Variants in ADAMTS17 observed in about 807,000 individuals in gnomAD.
ADAMTS17 encodes the protein ADAM metallopeptidase with thrombospondin type 1 motif 17, also known as A disintegrin and metalloproteinase with thrombospondin motifs 17.
ADAMTS17 carries 113 observed loss-of-function variants against 141.5 expected under a neutral mutation model. The observed-to-expected ratio is 0.80, with a 90% CI of 0.69 to 0.93. ADAMTS17 has a LOEUF of 0.93. ADAMTS17 is among the 40% of genes least tolerant of loss of function. The pLI is 0.00. For synonymous variants in ADAMTS17, 768 were observed against 630.6 expected (o/e 1.22, Z -3.27); for missense variants, 1,659 against 1,517.9 (o/e 1.09, Z -1.54).
At chr15:100,247,092 G>A (rs1161212961) in intron 7 of ADAMTS17, among the ~76,000 whole-genome samples, 1 of 151,884 alleles carries the variant, frequency 6.6e-6, no homozygotes, top group Non-Finnish European at 1.5e-5. Flanking sequence ...TTGCCATGTT[G>A]GCCGGGCTAG....
chr15:100,199,080 T>C (rs547464896), intron 8 of ADAMTS17, among the ~76,000 whole-genome samples: 2 of 152,330 alleles, frequency 1.3e-5, no homozygotes, highest in East Asian at 1.9e-4. Flanking sequence ...TTCTAGTCTG[T>C]TGGCTTTAAG....
rs2046362118 is a variant in ADAMTS17 at position 100,341,387 on chromosome 15, G to A, written c.102C>T (p.Asp34=). The change falls in exon 2 of 22, where the codon GAC becomes GAT. Residue 34 remains aspartate (D), a synonymous_variant. Transcript: ENST00000268070. ...CCCGCCACGGGAGCACCACCTCCAC[G>A]TCGGCCGCCGCGTCGCCGACAGCTG... ...PGTAVGDAAA[D]VEVVLPWRVR... is the part of the protein sequence containing the mutation. The A allele has an allele frequency of 9.8e-7, 1 of 1,016,732 alleles. No homozygotes were observed. The highest frequency in any genetic ancestry group is 1.2e-6 in the Non-Finnish European group (1 of 852,220). 63.0% of individuals were successfully genotyped at this position (1,016,732 alleles called of 1,614,324 possible).
chr15:100,177,278 A>G (rs1190631039), intron 8 of ADAMTS17, among the ~76,000 whole-genome samples: 1 of 152,246 alleles, frequency 6.6e-6, no homozygotes, highest in Non-Finnish European at 1.5e-5. Context: ...TAATGTAAGC[A>G]CTTAACAGCT....
At chr15:100,272,879 G>C (rs79285712) in intron 4 of ADAMTS17, among the ~76,000 whole-genome samples, 3,802 of 151,954 alleles carry the variant, frequency 0.025, 153 homozygotes, top group East Asian at 0.18. Context: ...TCTATTCCTA[G>C]TCTATTGAGT....
In ADAMTS17 at chr15:100,256,982, G is replaced by C. The variant is rs114003441; in HGVS notation, c.1032-2803C>G. Reference sequence around the variant, plus strand: ...GCTTCTGGCTCAGCAGCTCCTGCTAGACATGTCATGCTCACGTCCTCCATG... The same window carrying C: ...GCTTCTGGCTCAGCAGCTCCTGCTACACATGTCATGCTCACGTCCTCCATG... On this transcript the variant is annotated intron_variant, in intron 6 of 21. Transcript: ENST00000268070. 815 of 152,768 alleles carry C rather than the reference G, an allele frequency of 5.3e-3. 8 individuals are homozygous for C. Among genetic ancestry groups the C allele is most frequent in the African/African-American group, 0.014 (599 of 41,572 alleles). The allele number at this position is 152,768 out of a possible 1,614,324, so 9.5% of individuals were successfully genotyped here.
chr15:100,229,803 G>A (rs181390402), intron 7 of ADAMTS17, among the ~76,000 whole-genome samples: 10 of 152,276 alleles, frequency 6.6e-5, no homozygotes, highest in East Asian at 5.8e-4. Context: ...GACAGAGAAC[G>A]CAAGGGCAAC....
At chr15:100,279,323 C>G (rs2044206395) in intron 4 of ADAMTS17, among the ~76,000 whole-genome samples, 1 of 152,262 alleles carries the variant, frequency 6.6e-6, no homozygotes, top group South Asian at 2.1e-4. Flanking sequence ...TCACACCAAG[C>G]AAACAAAGGC....
At chr15:100,090,580 A>G (rs775013989) in intron 15 of ADAMTS17, among the ~76,000 whole-genome samples, 1 of 152,158 alleles carries the variant, frequency 6.6e-6, no homozygotes, top group Non-Finnish European at 1.5e-5. Flanking sequence ...CCCCTGGTGG[A>G]GGTGCTGATG....
intron 15 of ADAMTS17, among the ~76,000 whole-genome samples, chr15:100,095,491 T>C (rs77806098): frequency 0.039 from 5,860 of 152,202 alleles, 391 homozygotes; most frequent in African/African-American, 0.13. Flanking sequence ...GTTCTCTTGT[T>C]GGGGGAAAAT....
Position 100,333,057 on chromosome 15 carries a change from C to T in ADAMTS17, c.451-2003G>A, listed in dbSNP as rs142933792. On this transcript the variant is annotated intron_variant, in intron 2 of 21. Transcript: ENST00000268070. Reference sequence around the variant, plus strand: ...TGGTCAAACGTCCTGTTGAGAAGTGCCACCTATGCATTACACACAGTCTCA... The same window carrying T: ...TGGTCAAACGTCCTGTTGAGAAGTGTCACCTATGCATTACACACAGTCTCA... Among the ~76,000 whole-genome samples the T allele has an allele frequency of 3.9e-5, 6 of 152,266 alleles. No homozygotes were observed. The East Asian group carries it at 1.2e-3, about 29-fold the overall frequency.
intron 13 of ADAMTS17, among the ~76,000 whole-genome samples, chr15:100,111,075 C>T (rs762830699): frequency 6.6e-6 from 1 of 152,166 alleles, no homozygotes; most frequent in African/African-American, 2.4e-5. Flanking sequence ...CATCTGCCCA[C>T]GAGAAGACTG....
rs566774541 is a variant in ADAMTS17, at chr15:100,048,778, C to T, written c.2591+79G>A. On this transcript the variant is annotated intron_variant, in intron 18 of 21. Coordinates refer to ENST00000268070, the MANE Select transcript of ADAMTS17 (RefSeq NM_139057.4). ...GCATAGAGCAGTACTGTGGCATTAA[C>T]TGCATATCACTCCCCACCACTGATG... The T allele has an allele frequency of 1.7e-5, 28 of 1,600,686 alleles. No individual in the cohort carries two copies. In the East Asian group the frequency reaches 3.8e-4, roughly 22 times the overall value.
chr15:100,157,038 A>G (rs1421465349), intron 8 of ADAMTS17, among the ~76,000 whole-genome samples: 1 of 152,244 alleles, frequency 6.6e-6, no homozygotes, highest in East Asian at 1.9e-4. Flanking sequence ...GTGAAGGGGA[A>G]GCAAAGACCT....
At chr15:100,054,572 TCCC>T (rs1252650291) in intron 15 of ADAMTS17, among the ~76,000 whole-genome samples, 1 of 152,146 alleles carries the variant, frequency 6.6e-6, no homozygotes, top group Admixed American at 6.5e-5. Context: ...GGATCTGATA[TCCC>T]CCCATTACTA....
intron 18 of ADAMTS17, among the ~76,000 whole-genome samples, chr15:100,015,944 T>C (rs186417216): frequency 3.3e-5 from 5 of 152,342 alleles, no homozygotes; most frequent in African/African-American, 9.6e-5. Context: ...ATTCCTCCAT[T>C]ATTCCCTCAA....
chr15:100,245,520 A>G (rs1393509818), intron 7 of ADAMTS17, among the ~76,000 whole-genome samples: 1 of 152,246 alleles, frequency 6.6e-6, no homozygotes, highest in Non-Finnish European at 1.5e-5. Context: ...GGGCTGGTAG[A>G]AGCCCATCCC....
chr15:100,013,258 CT>C (rs1371056236), intron 18 of ADAMTS17, among the ~76,000 whole-genome samples: 6 of 152,102 alleles, frequency 3.9e-5, no homozygotes, highest in Non-Finnish European at 8.8e-5. Context: ...TTGCTGAATT[CT>C]TTGATCAGTT....
At chr15:100,236,663 C>T (rs1418460794) in intron 7 of ADAMTS17, among the ~76,000 whole-genome samples, 1 of 152,108 alleles carries the variant, frequency 6.6e-6, no homozygotes, top group Non-Finnish European at 1.5e-5. Flanking sequence ...CGCTGTAAGA[C>T]CTTGTTTCTA....
Position 99,973,746 on chromosome 15 carries a change from C to G in ADAMTS17, c.*656G>C, listed in dbSNP as rs971625056. 1 of 162,574 alleles carries G rather than the reference C, an allele frequency of 6.2e-6. No individual in the cohort carries two copies. Among genetic ancestry groups the G allele is most frequent in the African/African-American group, 2.4e-5 (1 of 41,498 alleles). The allele number at this position is 162,574 out of a possible 1,614,324, so 10.1% of individuals were successfully genotyped here. ...CTTCCCATGCGGGTGGTATGAACTGCGTGGCACTGCTGTCCTCGCTGGCAT... is the reference window on the plus strand; with the variant it reads ...CTTCCCATGCGGGTGGTATGAACTGGGTGGCACTGCTGTCCTCGCTGGCAT... On this transcript the variant is annotated 3_prime_UTR_variant, in exon 22 of 22. Coordinates refer to ENST00000268070, the MANE Select transcript of ADAMTS17 (RefSeq NM_139057.4).
Sources: gnomAD v4.1 joint callset for allele counts (sites outside exome capture counted in the v4.1 genomes callset) on GRCh38, gnomAD v4.1.1 for gene constraint, MANE v1.5 for transcripts, NCBI Gene and HGNC (gene_info 2026-07-23, HGNC 2026-07-21) for gene names.